MARCHF6: variants seen among roughly 807,000 people sequenced by gnomAD.
MARCHF6 encodes the protein E3 ubiquitin-protein ligase MARCHF6.
In MARCHF6, 31 loss-of-function variants were observed where a neutral mutation model predicts 133.7. The observed-to-expected ratio is 0.23, with a 90% confidence interval of 0.17 to 0.31. MARCHF6 has a LOEUF of 0.31. Among genes scored for constraint, MARCHF6 ranks in the 10% least tolerant of loss-of-function variants. MARCHF6 has a pLI of 1.00. For missense variants in MARCHF6, 723 were observed against 1,121.6 expected (o/e 0.64, Z 5.08); for synonymous variants, 395 against 402.5 (o/e 0.98, Z 0.22).
intron 25 of MARCHF6, among the ~76,000 whole-genome samples, chr5:10,430,287 T>G (rs1740300219): frequency 2.7e-5 from 4 of 147,342 alleles, no homozygotes; most frequent in African/African-American, 1.0e-4. Flanking sequence ...AGAGGGAGGT[T>G]TTTTTTTTTT....
rs779454652 is a variant in MARCHF6 at position 10,394,154 on chromosome 5, T to G, written c.828+11T>G. 16 of 1,535,638 alleles carry G rather than the reference T, an allele frequency of 1.0e-5. No homozygotes were observed. The South Asian group carries it at 2.1e-4, about 20-fold the overall frequency. ...CTTACATGGGAAAGAGTAAGACCTT[T>G]TTCTGTCAAGTATCCTGGTGTTTTA... On this transcript the variant is annotated intron_variant, in intron 8 of 25. Coordinates refer to ENST00000274140, the MANE Select transcript of MARCHF6 (RefSeq NM_005885.4).
At chr5:10,375,192 A>G (rs1736698486) in intron 1 of MARCHF6, among the ~76,000 whole-genome samples, 1 of 152,144 alleles carries the variant, frequency 6.6e-6, no homozygotes. Context: ...GGCTGCGTGC[A>G]GCGCTTGCGG....
At chr5:10,387,263 T>A (rs991870842) in intron 5 of MARCHF6, among the ~76,000 whole-genome samples, 197 bp downstream of exon 5, 1 of 152,156 alleles carries the variant, frequency 6.6e-6, no homozygotes, top group Non-Finnish European at 1.5e-5. Flanking sequence ...CATACCTGTT[T>A]TATGGGACTG....
Position 10,353,809 on chromosome 5 carries a change from G to C in MARCHF6, c.-90G>C, listed in dbSNP as rs1579503188. Reference sequence around the variant, plus strand: ...CGCACCTGAGCGTACGCACCTGCCCGGGCCCGGCTCCCTCCTCCTCTCCCC... The same window carrying C: ...CGCACCTGAGCGTACGCACCTGCCCCGGCCCGGCTCCCTCCTCCTCTCCCC... On this transcript the variant is annotated 5_prime_UTR_variant, in exon 1 of 26. Coordinates refer to ENST00000274140, the MANE Select transcript of MARCHF6 (RefSeq NM_005885.4). 11 of 1,213,384 alleles carry C rather than the reference G, an allele frequency of 9.1e-6. No homozygotes were observed. The East Asian group carries it at 3.3e-4, about 36-fold the overall frequency. 75.2% of individuals were successfully genotyped at this position (1,213,384 alleles called of 1,614,324 possible). A position where few individuals can be genotyped will look rare whatever the true frequency, so the allele number is the denominator to read the frequency against.
intron 22 of MARCHF6, among the ~76,000 whole-genome samples, chr5:10,421,553 G>T (rs932428260): frequency 2.6e-5 from 4 of 152,218 alleles, no homozygotes; most frequent in African/African-American, 9.6e-5. Flanking sequence ...GTGGGATAGT[G>T]GGCCAGTTGG....
In MARCHF6 at chr5:10,369,140, A is replaced by C. The variant is rs73047633; in HGVS notation, c.20-8658A>C. On this transcript the variant is annotated intron_variant, in intron 1 of 25. Transcript: ENST00000274140. ...TTGGCTTTCAGACACTTCTACCAAG[A>C]AGGGATACTTGTCATTGTACCTCAT... Among the ~76,000 whole-genome samples, 115 of 152,330 alleles carry C rather than the reference A, an allele frequency of 7.5e-4. 1 individual carries two copies. The highest frequency in any genetic ancestry group is 2.5e-3 in the African/African-American group (106 of 41,588).
In MARCHF6 at chr5:10,433,818, C is replaced by CAG; in HGVS notation, c.*139_*140dup. On this transcript the variant is annotated 3_prime_UTR_variant, in exon 26 of 26. Coordinates refer to ENST00000274140, the MANE Select transcript of MARCHF6 (RefSeq NM_005885.4). ...GTATTTGACTTGTGTTCTCAGCATT[C>CAG]AGAGAGCAGCGGTGTAAGATTCTGC... is the stretch of plus-strand genomic sequence containing the variant. The CAG allele has an allele frequency of 1.4e-6, 1 of 705,168 alleles. No homozygotes were observed. 43.7% of individuals were successfully genotyped at this position (705,168 alleles called of 1,614,324 possible).
chr5:10,391,592 T>C lies in MARCHF6; in HGVS notation c.627T>C (p.Ala209=), dbSNP rs1476668379. The change falls in exon 7 of 26, where the codon GCT becomes GCC. Residue 209 remains alanine (A), a synonymous_variant. Transcript: ENST00000274140. ...AAAATGTTGCTGCTGATCAGCCTGCTAACCCACCAGCTGAGAACGCAGTGG... is the reference window on the plus strand; with the variant it reads ...AAAATGTTGCTGCTGATCAGCCTGCCAACCCACCAGCTGAGAACGCAGTGG... The part of the protein sequence containing the change: ...GAENVAADQP[A]NPPAENAVVG... The C allele has an allele frequency of 6.2e-7, 1 of 1,613,272 alleles. No individual in the cohort carries two copies. Among genetic ancestry groups the C allele is most frequent in the South Asian group, 1.1e-5 (1 of 91,034 alleles).
intron 1 of MARCHF6, among the ~76,000 whole-genome samples, chr5:10,366,734 G>A (rs1194089392): frequency 6.6e-6 from 1 of 152,176 alleles, no homozygotes; most frequent in African/African-American, 2.4e-5. Context: ...TGACTGGTCA[G>A]CTGCTTAATT....
intron 4 of MARCHF6, among the ~76,000 whole-genome samples, chr5:10,384,088 A>G (rs1016384364): frequency 2.6e-5 from 4 of 152,216 alleles, no homozygotes; most frequent in African/African-American, 9.6e-5. Flanking sequence ...TATGGCAGCA[A>G]TCAGATGGCC....
intron 1 of MARCHF6, among the ~76,000 whole-genome samples, chr5:10,376,797 T>A (rs1469489943): frequency 6.6e-6 from 1 of 152,306 alleles, no homozygotes; most frequent in Non-Finnish European, 1.5e-5. Context: ...CTCACTTGAA[T>A]CCGATGGATG....
intron 24 of MARCHF6, among the ~76,000 whole-genome samples, chr5:10,426,943 A>T (rs1740117567): frequency 6.6e-6 from 1 of 152,256 alleles, no homozygotes; most frequent in African/African-American, 2.4e-5. Context: ...ACTGAAATAC[A>T]CTGTCTTGTT....
At chr5:10,373,719 A>G (rs1271007398) in intron 1 of MARCHF6, among the ~76,000 whole-genome samples, 1 of 151,902 alleles carries the variant, frequency 6.6e-6, no homozygotes, top group East Asian at 1.9e-4. Flanking sequence ...CCTACTTCCT[A>G]CTTGCACAGC....
At chr5:10,425,992 TAAAATGAATG>T (rs1740065503) in intron 23 of MARCHF6, among the ~76,000 whole-genome samples, 1 of 152,232 alleles carries the variant, frequency 6.6e-6, no homozygotes, top group Non-Finnish European at 1.5e-5. Flanking sequence ...CATACTCAGA[TAAAATGAATG>T]CAATATTGTA....
At chr5:10,428,589 C>G (rs1207891715) in intron 24 of MARCHF6, among the ~76,000 whole-genome samples, 1 of 152,002 alleles carries the variant, frequency 6.6e-6, no homozygotes, top group African/African-American at 2.4e-5. Context: ...TAATCCACCC[C>G]CCTCGGCCGC....
In MARCHF6 at chr5:10,386,954, G is replaced by T. The variant is rs78381039; in HGVS notation, c.335-40G>T. 3 of 1,506,126 alleles carry T rather than the reference G, an allele frequency of 2.0e-6. No homozygotes were observed. The East Asian group carries it at 6.8e-5, about 34-fold the overall frequency. The allele number at this position is 1,506,126 out of a possible 1,614,324, so 93.3% of individuals were successfully genotyped here. A position where few individuals can be genotyped will look rare whatever the true frequency, so the allele number is the denominator to read the frequency against. On this transcript the variant is annotated intron_variant, in intron 4 of 25. Transcript: ENST00000274140. ...TTGAGCAGCTATGTGAATTCATGATGCGAGTTGTGACTGTGTGCCATCATG... is the reference window on the plus strand; with the variant it reads ...TTGAGCAGCTATGTGAATTCATGATTCGAGTTGTGACTGTGTGCCATCATG...
intron 23 of MARCHF6, among the ~76,000 whole-genome samples, chr5:10,425,471 C>T (rs550262882): frequency 2.6e-5 from 4 of 152,190 alleles, no homozygotes; most frequent in South Asian, 2.1e-4. Flanking sequence ...TGCGTATGTG[C>T]GTGTGTGTCT....
intron 1 of MARCHF6, among the ~76,000 whole-genome samples, chr5:10,364,886 C>T (rs1341303727): frequency 6.6e-6 from 1 of 152,138 alleles, no homozygotes; most frequent in East Asian, 1.9e-4. Context: ...TGACTGCAAC[C>T]TCTGCCACCC....
chr5:10,356,049 C>T (rs939118989), intron 1 of MARCHF6, among the ~76,000 whole-genome samples: 1 of 152,006 alleles, frequency 6.6e-6, no homozygotes, highest in African/African-American at 2.4e-5. Flanking sequence ...TGGAAGTCTT[C>T]TGACATTTTT....
Sources: allele counts gnomAD v4.1 joint callset (sites outside exome capture counted in the v4.1 genomes callset), GRCh38; gene constraint gnomAD v4.1.1; transcripts MANE v1.5; gene names NCBI Gene and HGNC (gene_info 2026-07-23, HGNC 2026-07-21).